TXNDC16: variants seen among roughly 807,000 people sequenced by gnomAD.
TXNDC16 encodes thioredoxin domain-containing protein 16.
TXNDC16 carries 74 observed loss-of-function variants against 85.6 expected under a neutral mutation model. That is an observed-to-expected ratio of 0.86 (90% CI 0.72 to 1.05). The LOEUF is 1.05. Ranked by LOEUF, TXNDC16 falls within the 50% of genes least tolerant of loss-of-function variation. The pLI, the probability that TXNDC16 is intolerant of heterozygous loss-of-function variation, is 0.00. For synonymous variants in TXNDC16, 335 were observed against 326.5 expected (o/e 1.03, Z -0.28); for missense variants, 959 against 947.0 (o/e 1.01, Z -0.17).
chr14:52,541,831 T>C (rs2037837372), intron 4 of TXNDC16, among the ~76,000 whole-genome samples: 1 of 152,224 alleles, frequency 6.6e-6, no homozygotes, highest in Non-Finnish European at 1.5e-5. Flanking sequence ...TCTATAATAC[T>C]CTATGGCAAA....
chr14:52,439,157 G>T, intron 20 of TXNDC16, 47 bp downstream of exon 20: 1 of 1,542,496 alleles, frequency 6.5e-7, no homozygotes, highest in Non-Finnish European at 8.9e-7. Context: ...TAACATTTAT[G>T]GAACAAAATG....
In TXNDC16 at chr14:52,457,125, G is replaced by C; in HGVS notation, c.1668C>G (p.Ile556Met). ...CATCTTCTTCAGAATAAATTCCAGT[G>C]ATAACATATCCTTTTAGGTAGTTTC... is the stretch of plus-strand genomic sequence containing the variant. The part of the protein sequence containing the change: ...EAGNYLKGYV[I>M]TGIYSEEDVL... The change falls in exon 17 of 21, where the codon ATC becomes ATG. Residue 556 changes from isoleucine to methionine, a missense_variant. By Grantham distance (10) the Ile-to-Met change is conservative. Transcript: ENST00000281741. The C allele has an allele frequency of 6.3e-7, 1 of 1,592,870 alleles. No homozygotes were observed. The highest frequency in any genetic ancestry group is 8.5e-7 in the Non-Finnish European group (1 of 1,172,570).
chr14:52,529,125 C>A (rs558115939), intron 6 of TXNDC16, among the ~76,000 whole-genome samples: 167 of 151,086 alleles, frequency 1.1e-3, no homozygotes, highest in African/African-American at 3.9e-3. Flanking sequence ...GGCACATATA[C>A]ACCATGGAAT....
chr14:52,463,660 A>G (rs1224560219), intron 16 of TXNDC16, among the ~76,000 whole-genome samples: 5 of 152,352 alleles, frequency 3.3e-5, no homozygotes, highest in East Asian at 1.9e-4. Flanking sequence ...GGTGAGTGGT[A>G]TAAGAGTTGG....
intron 8 of TXNDC16, among the ~76,000 whole-genome samples, chr14:52,511,773 T>C (rs2036961869): frequency 6.6e-6 from 1 of 152,184 alleles, no homozygotes; most frequent in Non-Finnish European, 1.5e-5. Context: ...TAAATGAAGC[T>C]TTGTAACGCA....
chr14:52,503,684 G>T (rs1323072994), intron 9 of TXNDC16, among the ~76,000 whole-genome samples: 1 of 152,186 alleles, frequency 6.6e-6, no homozygotes, highest in East Asian at 1.9e-4. Flanking sequence ...TCCTCCAAAG[G>T]AACGCAGCTC....
intron 16 of TXNDC16, among the ~76,000 whole-genome samples, chr14:52,458,609 A>G (rs1051644805): frequency 2.0e-5 from 3 of 152,218 alleles, no homozygotes; most frequent in African/African-American, 4.8e-5. Flanking sequence ...TTTTTAGCCC[A>G]TGCTACATCA....
rs768472695 is a variant in TXNDC16 at position 52,488,409 on chromosome 14, C to T, written c.1062G>A (p.Glu354=). The change falls in exon 12 of 21, where the codon GAG becomes GAA. Residue 354 remains glutamate, a synonymous_variant. Transcript: ENST00000281741. ...CATTGTCTTCATCTTCTTGTATTTC[C>T]TCAATGTGCATATTATTTTCCACAT... The part of the protein sequence containing the change: ...ISHVENNMHI[E]EIQEDEDNDM... 5.0e-6 allele frequency: 8 copies of T among 1,613,224 alleles called. No individual in the cohort carries two copies. The African/African-American group carries it at 6.7e-5, about 13-fold the overall frequency.
chr14:52,545,478 C>T (rs549677319), intron 1 of TXNDC16, among the ~76,000 whole-genome samples: 7 of 151,916 alleles, frequency 4.6e-5, no homozygotes, highest in East Asian at 1.9e-4. Flanking sequence ...CAAAGAATAC[C>T]GCACGGGTCA....
chr14:52,441,100 G>A (rs2035154539), intron 18 of TXNDC16, among the ~76,000 whole-genome samples: 1 of 152,082 alleles, frequency 6.6e-6, no homozygotes. Flanking sequence ...GAAGAAAACT[G>A]TAAGCTGAAA....
chr14:52,534,452 T>C (rs148477678), intron 6 of TXNDC16, among the ~76,000 whole-genome samples: 264 of 152,318 alleles, frequency 1.7e-3, no homozygotes, highest in African/African-American at 5.9e-3. Context: ...GTACTTTATG[T>C]GTGGACCAAG....
chr14:52,470,701 C>T (rs779654659), intron 14 of TXNDC16, 21 bp from the exon 15 acceptor site: 41 of 1,577,580 alleles, frequency 2.6e-5, no homozygotes, highest in Non-Finnish European at 3.4e-5. Flanking sequence ...GGAAAATGCA[C>T]ATTTGTAATT....
chr14:52,506,540 T>C (rs2036808426), intron 9 of TXNDC16, among the ~76,000 whole-genome samples: 3 of 126,174 alleles, frequency 2.4e-5, no homozygotes, highest in South Asian at 4.5e-4. Context: ...TTTTTTTTTT[T>C]TTTTTTTTTT....
intron 9 of TXNDC16, among the ~76,000 whole-genome samples, chr14:52,493,871 C>T (rs913123037): frequency 3.3e-5 from 5 of 151,978 alleles, no homozygotes; most frequent in Admixed American, 2.0e-4. Flanking sequence ...CTCTGTCTCC[C>T]AGCCTCAAGC....
chr14:52,470,876 T>C (rs2035891214), intron 14 of TXNDC16, among the ~76,000 whole-genome samples, 196 bp from the exon 15 acceptor site: 1 of 152,212 alleles, frequency 6.6e-6, no homozygotes, highest in African/African-American at 2.4e-5. Flanking sequence ...CTTCTCCTTT[T>C]TGTTCCCTTT....
At chr14:52,520,317 C>G (rs900291364) in intron 6 of TXNDC16, among the ~76,000 whole-genome samples, 2 of 152,200 alleles carry the variant, frequency 1.3e-5, no homozygotes, top group Admixed American at 1.3e-4. Flanking sequence ...CCAAAATTAT[C>G]CCTTTTTTAA....
intron 16 of TXNDC16, among the ~76,000 whole-genome samples, chr14:52,468,151 T>C (rs1052281250): frequency 3.9e-5 from 6 of 152,150 alleles, no homozygotes; most frequent in African/African-American, 9.7e-5. Flanking sequence ...TTTTGCAAGA[T>C]GAAAATGTTC....
At chr14:52,470,964 C>T (rs1594706128) in intron 14 of TXNDC16, among the ~76,000 whole-genome samples, 1 of 152,286 alleles carries the variant, frequency 6.6e-6, no homozygotes, top group East Asian at 1.9e-4. Flanking sequence ...TTCTTCACTC[C>T]TGTCCTACAC....
chr14:52,474,156 T>G (rs2035968870), intron 14 of TXNDC16, among the ~76,000 whole-genome samples: 1 of 152,208 alleles, frequency 6.6e-6, no homozygotes, highest in African/African-American at 2.4e-5. Flanking sequence ...AGGGGGCAGG[T>G]AGTCTCTTCA....
Sources: gnomAD v4.1 joint callset for allele counts (sites outside exome capture counted in the v4.1 genomes callset) on GRCh38, gnomAD v4.1.1 for gene constraint, MANE v1.5 for transcripts, NCBI Gene and HGNC (gene_info 2026-07-23, HGNC 2026-07-21) for gene names.